Variants in B4GALT6 observed in about 807,000 individuals in gnomAD.
B4GALT6 encodes the protein beta-1,4-galactosyltransferase 6.
A neutral mutation model predicts 46.3 loss-of-function variants in B4GALT6; 14 were observed. The observed-to-expected ratio is 0.30, with a 90% CI of 0.20 to 0.47. The LOEUF is 0.47. B4GALT6 is among the 20% of genes least tolerant of loss of function. B4GALT6 has a pLI of 0.99. For missense variants in B4GALT6, 386 were observed against 480.1 expected (o/e 0.80, Z 1.83); for synonymous variants, 168 against 162.0 (o/e 1.04, Z -0.28).
chr18:31,668,038 A>C (rs2074302897), intron 1 of B4GALT6, among the ~76,000 whole-genome samples: 1 of 151,526 alleles, frequency 6.6e-6, no homozygotes, highest in Non-Finnish European at 1.5e-5. Flanking sequence ...CAGAGGTTGC[A>C]GTGAGCCGAG....
chr18:31,630,879 G>A (rs1284379762), intron 6 of B4GALT6, 80 bp downstream of exon 6: 8 of 1,450,980 alleles, frequency 5.5e-6, no homozygotes, highest in Middle Eastern at 1.9e-4. Context: ...TCAGATTTAG[G>A]GACATAACGC....
At chr18:31,631,528 T>C (rs1452330965) in intron 5 of B4GALT6, among the ~76,000 whole-genome samples, 1 of 152,152 alleles carries the variant, frequency 6.6e-6, no homozygotes, top group Non-Finnish European at 1.5e-5. Flanking sequence ...GAAAACAGTA[T>C]CTAGTCCATT....
intron 2 of B4GALT6, among the ~76,000 whole-genome samples, chr18:31,665,994 A>G (rs1287791353): frequency 1.3e-5 from 2 of 152,238 alleles, no homozygotes; most frequent in Non-Finnish European, 2.9e-5. Context: ...CGAATTGAAA[A>G]AGTAGAAGCT....
intron 2 of B4GALT6, among the ~76,000 whole-genome samples, chr18:31,658,970 T>C (rs993074148): frequency 5.3e-5 from 8 of 152,168 alleles, no homozygotes; most frequent in African/African-American, 1.9e-4. Context: ...CACATTTCAG[T>C]CCCTTTCTGG....
the B4GALT6 span, among the ~76,000 whole-genome samples, chr18:31,715,717 A>AT: frequency 0.11 from 15,981 of 144,530 alleles, 1,075 homozygotes; most frequent in Middle Eastern, 0.18. Flanking sequence ...CACCTGGCTA[A>AT]TTTTTTTTTT....
chr18:31,701,757 C>T, the B4GALT6 span, among the ~76,000 whole-genome samples: 4 of 152,086 alleles, frequency 2.6e-5, no homozygotes, highest in African/African-American at 7.2e-5. Flanking sequence ...TGTTACTATA[C>T]AAAATTTAAA....
rs1347974471 is a variant in B4GALT6 at position 31,645,456 on chromosome 18, T to C, written c.370A>G (p.Ser124Gly). 5 of 1,612,272 alleles carry C rather than the reference T, an allele frequency of 3.1e-6. No individual in the cohort carries two copies. In the Admixed American group the frequency reaches 8.4e-5, roughly 27 times the overall value. The change falls in exon 4 of 9, where the codon AGC becomes GGC. Residue 124 changes from serine to glycine, a missense_variant. Ser to Gly is a moderately conservative substitution (Grantham distance 56, BLOSUM62 0). Around this residue, in one of 2 missense-constraint regions of B4GALT6, gnomAD observed 323 missense variants for 438.9 expected, o/e 0.74. Coordinates refer to ENST00000306851, the MANE Select transcript of B4GALT6 (RefSeq NM_004775.5). Reference protein sequence around the residue: ...YMRGFLNVNVSEVSFDEIHQL... With the variant: ...YMRGFLNVNVGEVSFDEIHQL... ...TGAATTTCATCAAAACTGACTTCGC[T>C]TACATTGACATTGAGGAATCCTCCT...
At chr18:31,684,612 G>A, upstream of B4GALT6, 2 of 1,278,254 alleles carry the variant, frequency 1.6e-6, no homozygotes, top group South Asian at 1.6e-5. Context: ...GAATGAATGG[G>A]AGGCCAGAGA....
chr18:31,644,663 G>A (rs904990670), intron 4 of B4GALT6, among the ~76,000 whole-genome samples: 1 of 152,120 alleles, frequency 6.6e-6, no homozygotes, highest in African/African-American at 2.4e-5. Flanking sequence ...ACAGCTTTGA[G>A]GGCAAGTCTG....
At chr18:31,718,481 T>C in the B4GALT6 span, among the ~76,000 whole-genome samples, 1 of 152,174 alleles carries the variant, frequency 6.6e-6, no homozygotes, top group Non-Finnish European at 1.5e-5. Flanking sequence ...AGAATCTCCA[T>C]AAATCCCAGT....
intron 4 of B4GALT6, among the ~76,000 whole-genome samples, chr18:31,644,143 T>C (rs1266181892): frequency 6.6e-6 from 1 of 152,232 alleles, no homozygotes; most frequent in Non-Finnish European, 1.5e-5. Context: ...ATTAAATGTT[T>C]TGCTAAAATT....
At chr18:31,634,945 T>C (rs953759991) in intron 5 of B4GALT6, among the ~76,000 whole-genome samples, 2 of 152,196 alleles carry the variant, frequency 1.3e-5, no homozygotes, top group Non-Finnish European at 2.9e-5. Flanking sequence ...CAGGACCATA[T>C]GCCTTTAAAA....
chr18:31,655,588 G>T (rs997206626), intron 3 of B4GALT6, among the ~76,000 whole-genome samples: 4 of 152,158 alleles, frequency 2.6e-5, no homozygotes, highest in Admixed American at 2.6e-4. Context: ...TGATGAAGTG[G>T]CAGACAGATG....
chr18:31,720,352 G>A, the B4GALT6 span, among the ~76,000 whole-genome samples: 43 of 152,236 alleles, frequency 2.8e-4, no homozygotes, highest in Admixed American at 2.8e-3. Flanking sequence ...CTGGGAAGGG[G>A]CAAAGAGGTG....
At chr18:31,640,221 C>T (rs2073912675) in intron 4 of B4GALT6, among the ~76,000 whole-genome samples, 1 of 151,940 alleles carries the variant, frequency 6.6e-6, no homozygotes, top group Non-Finnish European at 1.5e-5. Flanking sequence ...CCATGATTTA[C>T]TAAAATTTTA....
the B4GALT6 span, among the ~76,000 whole-genome samples, chr18:31,714,340 T>G: frequency 1.3e-5 from 2 of 152,318 alleles, no homozygotes; most frequent in Admixed American, 6.5e-5. Context: ...ATCACCAGCT[T>G]GCACTAGAAC....
In B4GALT6 at chr18:31,657,287, G is replaced by A. The variant is rs576775855; in HGVS notation, c.346+689C>T. Reference sequence around the variant, plus strand: ...TAAATGTTCATCAGTGGGGAAACAGGTAAATGAGATGTGATACATTTATAC... The same window carrying A: ...TAAATGTTCATCAGTGGGGAAACAGATAAATGAGATGTGATACATTTATAC... On this transcript the variant is annotated intron_variant, in intron 3 of 8. Coordinates refer to ENST00000306851, the MANE Select transcript of B4GALT6 (RefSeq NM_004775.5). 1.7e-4 allele frequency among the ~76,000 whole-genome samples: 26 copies of A among 152,154 alleles called. No individual in the cohort carries two copies. The South Asian group carries it at 5.2e-3, about 30-fold the overall frequency.
chr18:31,705,940 T>C, the B4GALT6 span, among the ~76,000 whole-genome samples: 1 of 152,256 alleles, frequency 6.6e-6, no homozygotes, highest in Non-Finnish European at 1.5e-5. Context: ...TTTGTCATTT[T>C]GCTGATTCCC....
chr18:31,681,671 A>G (rs1429105680), intron 1 of B4GALT6, among the ~76,000 whole-genome samples: 1 of 152,230 alleles, frequency 6.6e-6, no homozygotes, highest in East Asian at 1.9e-4. Context: ...AAGATGGCAA[A>G]GAAGAGGAAC....
Sources: gnomAD v4.1 joint callset for allele counts (sites outside exome capture counted in the v4.1 genomes callset) on GRCh38, gnomAD v4.1.1 for gene constraint, gnomAD v4.1.1 regional missense constraint, MANE v1.5 for transcripts, NCBI Gene and HGNC (gene_info 2026-07-23, HGNC 2026-07-21) for gene names.